Variants in FMN1 observed in about 807,000 individuals in gnomAD.
FMN1 encodes the protein formin 1.
In FMN1, 110 loss-of-function variants were observed where a neutral mutation model predicts 132.4. That is an observed-to-expected ratio of 0.83 (90% CI 0.71 to 0.97). The LOEUF (loss-of-function observed/expected upper bound fraction) is 0.97. Ranked by LOEUF, FMN1 falls within the 50% of genes least tolerant of loss-of-function variation. The probability of loss-of-function intolerance (pLI) is 0.00; values close to 1 mark genes in which losing one functional copy is unlikely to be tolerated. For missense variants in FMN1, 1,792 were observed against 1,705.3 expected, an observed-to-expected ratio of 1.05 and a Z score of -0.90; for synonymous variants, 722 against 651.7, an observed-to-expected ratio of 1.11 and a Z score of -1.64.
At chr15:32,907,143 G>A (rs999057907) in intron 12 of FMN1, among the ~76,000 whole-genome samples, 1 of 151,898 alleles carries the variant, frequency 6.6e-6, no homozygotes, top group Admixed American at 6.6e-5. Context: ...TTGGAGGTGG[G>A]ATGGTTTCAA....
intron 6 of FMN1, among the ~76,000 whole-genome samples, chr15:33,020,524 G>A (rs899374857): frequency 2.0e-5 from 3 of 151,920 alleles, no homozygotes; most frequent in African/African-American, 7.3e-5. Flanking sequence ...GCAGGTGCCT[G>A]TAATCCTGGC....
At chr15:32,948,696 G>A (rs1345537105) in intron 9 of FMN1, among the ~76,000 whole-genome samples, 1 of 151,876 alleles carries the variant, frequency 6.6e-6, no homozygotes, top group Non-Finnish European at 1.5e-5. Context: ...TATTGCATCT[G>A]TAGTTACATT....
At chr15:32,825,749 G>A (rs921762115) in intron 17 of FMN1, among the ~76,000 whole-genome samples, 3 of 152,084 alleles carry the variant, frequency 2.0e-5, no homozygotes, top group Admixed American at 2.0e-4. Context: ...CCTTTTCATT[G>A]CCATTCCCCT....
At chr15:33,005,793 C>A (rs1462583926) in intron 7 of FMN1, among the ~76,000 whole-genome samples, 1 of 152,126 alleles carries the variant, frequency 6.6e-6, no homozygotes, top group African/African-American at 2.4e-5. Flanking sequence ...TAAATTATCC[C>A]CTACCAATTT....
chr15:33,141,877 G>C (rs915189398), intron 4 of FMN1, among the ~76,000 whole-genome samples: 1 of 152,042 alleles, frequency 6.6e-6, no homozygotes, highest in African/African-American at 2.4e-5. Context: ...GTAAGCCTTT[G>C]GCTGGCAATG....
intron 15 of FMN1, among the ~76,000 whole-genome samples, chr15:32,894,797 G>A (rs1283150369): frequency 1.3e-5 from 2 of 148,324 alleles, no homozygotes; most frequent in African/African-American, 2.5e-5. Context: ...AAAAAAAAAC[G>A]CTTACAATCC....
intron 7 of FMN1, among the ~76,000 whole-genome samples, chr15:33,001,437 T>C (rs2034099417): frequency 6.6e-6 from 1 of 152,172 alleles, no homozygotes; most frequent in Admixed American, 6.5e-5. Flanking sequence ...GCCATTCAAA[T>C]CTCCAGCGGG....
At chr15:32,900,755 T>C (rs1038652826) in intron 13 of FMN1, among the ~76,000 whole-genome samples, 4 of 152,262 alleles carry the variant, frequency 2.6e-5, no homozygotes, top group African/African-American at 9.6e-5. Flanking sequence ...CCCTGTCTCA[T>C]TTGTTTGTCC....
chr15:32,906,897 C>T (rs1442280098), intron 12 of FMN1, among the ~76,000 whole-genome samples: 1 of 152,128 alleles, frequency 6.6e-6, no homozygotes, highest in African/African-American at 2.4e-5. Context: ...GGACCATGCT[C>T]CATGTGAGAG....
chr15:33,123,265 A>G (rs919796057), intron 4 of FMN1, among the ~76,000 whole-genome samples: 1 of 151,924 alleles, frequency 6.6e-6, no homozygotes, highest in Non-Finnish European at 1.5e-5. Context: ...CTGCTGCTTA[A>G]TCTTTCCAAA....
At chr15:32,908,396 C>A in intron 12 of FMN1, 94 bp downstream of exon 12, 1 of 787,246 alleles carries the variant, frequency 1.3e-6, no homozygotes, top group Admixed American at 2.1e-5. Context: ...TAGCTGGCTG[C>A]ACATTTAGAT....
chr15:33,067,539 G>T, intron 5 of FMN1: 3 of 1,613,990 alleles, frequency 1.9e-6, no homozygotes, highest in Non-Finnish European at 2.5e-6. Flanking sequence ...TGAGCAAGGA[G>T]AGATGTCCCT....
At chr15:33,142,245 G>A (rs752838161) in intron 4 of FMN1, among the ~76,000 whole-genome samples, 8 of 152,050 alleles carry the variant, frequency 5.3e-5, no homozygotes, top group Non-Finnish European at 1.2e-4. Flanking sequence ...TACCCAACTG[G>A]CTCAAAATCA....
chr15:33,168,124 A>G (rs1483193177), intron 3 of FMN1, among the ~76,000 whole-genome samples: 7 of 152,200 alleles, frequency 4.6e-5, no homozygotes, highest in Admixed American at 4.6e-4. Context: ...AGGGAGGTTA[A>G]GTAACTTGTC....
At chr15:33,177,990 G>A (rs548335447) in intron 3 of FMN1, among the ~76,000 whole-genome samples, 147 of 152,156 alleles carry the variant, frequency 9.7e-4, no homozygotes, top group Non-Finnish European at 1.8e-3. Context: ...CGTGGGCAAC[G>A]AGAGCGAAAC....
At chr15:33,141,374 T>C (rs1433439953) in intron 4 of FMN1, among the ~76,000 whole-genome samples, 1 of 152,146 alleles carries the variant, frequency 6.6e-6, no homozygotes, top group Non-Finnish European at 1.5e-5. Flanking sequence ...TAACTAATTG[T>C]CCTAGCATCA....
At chr15:33,073,133 A>G (rs17235554) in intron 5 of FMN1, among the ~76,000 whole-genome samples, 8,734 of 152,078 alleles carry the variant, frequency 0.057, 284 homozygotes, top group South Asian at 0.11. Flanking sequence ...GGGCCCCCTT[A>G]CTCTTTGTAG....
At position 33,091,914 on chromosome 15, in the gene FMN1, A is replaced by T. The variant is rs573322226; in HGVS notation, c.1868-2940T>A. ...TTTGGGGGTGTTAGATCTTTAGAGA[A>T]TATTTTGTGAAAAACTGAATCAGTC... On this transcript the variant is annotated intron_variant, in intron 4 of 20. Coordinates refer to ENST00000616417, the MANE Select transcript of FMN1 (RefSeq NM_001277313.2). Among the ~76,000 whole-genome samples, 29 of 152,348 alleles carry T rather than the reference A, an allele frequency of 1.9e-4. No homozygotes were observed. The South Asian group carries it at 6.0e-3, about 32-fold the overall frequency.
intron 4 of FMN1, among the ~76,000 whole-genome samples, chr15:33,130,321 T>A (rs1595543852): frequency 6.6e-6 from 1 of 152,302 alleles, no homozygotes; most frequent in East Asian, 1.9e-4. Context: ...TGTATATACA[T>A]AAATATACAC....
Sources: allele counts gnomAD v4.1 joint callset (sites outside exome capture counted in the v4.1 genomes callset), GRCh38; gene constraint gnomAD v4.1.1; transcripts MANE v1.5; gene names NCBI Gene and HGNC (gene_info 2026-07-23, HGNC 2026-07-21).